Variants in ATF2 observed in about 807,000 individuals in gnomAD.
The protein encoded by ATF2 is cyclic AMP-dependent transcription factor ATF-2.
A neutral mutation model predicts 60.6 loss-of-function variants in ATF2; 24 were observed. That is an observed-to-expected ratio of 0.40 (90% confidence interval 0.29 to 0.56). ATF2 has a LOEUF of 0.56. Among genes scored for constraint, ATF2 ranks in the 20% least tolerant of loss-of-function variants. The pLI, the probability that ATF2 is intolerant of heterozygous loss-of-function variation, is 0.54. For synonymous variants in ATF2, 206 were observed against 215.4 expected, an observed-to-expected ratio of 0.96 and a Z score of 0.38; for missense variants, 433 against 607.7, an observed-to-expected ratio of 0.71 and a Z score of 3.02.
chr2:175,091,301 A>G (rs1348227289), intron 12 of ATF2, among the ~76,000 whole-genome samples: 1 of 152,192 alleles, frequency 6.6e-6, no homozygotes, highest in South Asian at 2.1e-4. Context: ...ACTGAAGACA[A>G]CAGTGATTGT....
intron 12 of ATF2, among the ~76,000 whole-genome samples, chr2:175,089,296 T>G (rs1694380944): frequency 6.6e-6 from 1 of 152,192 alleles, no homozygotes; most frequent in Admixed American, 6.6e-5. Flanking sequence ...TTGGGAAAAC[T>G]AAAACATGAT....
Position 175,115,078 on chromosome 2 carries a change from GT to G in ATF2, c.448-211del, listed in dbSNP as rs1553507822. Reference sequence around the variant, plus strand: ...TAATATTTTAATTTTAAAAAGACTCGTTTTTTTTTTTTCCAGTACAACTTGT... The same window carrying G: ...TAATATTTTAATTTTAAAAAGACTCGTTTTTTTTTTTCCAGTACAACTTGT... On this transcript the variant is annotated intron_variant, in intron 7 of 13. Transcript: ENST00000264110. Among the ~76,000 whole-genome samples, 75 of 144,030 alleles carry G rather than the reference GT, an allele frequency of 5.2e-4. 1 individual carries two copies. The highest frequency in any genetic ancestry group is 9.1e-4 in the African/African-American group (35 of 38,560). 94.5% of individuals were successfully genotyped at this position (144,030 alleles called of 152,430 possible).
chr2:175,102,875 CTTCA>C (rs1476691193), intron 10 of ATF2, among the ~76,000 whole-genome samples: 7 of 151,950 alleles, frequency 4.6e-5, no homozygotes, highest in African/African-American at 1.7e-4. Context: ...ACAAAAATGT[CTTCA>C]TTATGTTTCT....
chr2:175,142,633 C>A (rs1698623130), intron 2 of ATF2, among the ~76,000 whole-genome samples: 1 of 150,102 alleles, frequency 6.7e-6, no homozygotes, highest in Admixed American at 6.7e-5. Flanking sequence ...TATTAGGTAT[C>A]CTGTATAAAT....
intron 1 of ATF2, among the ~76,000 whole-genome samples, chr2:175,164,900 A>G (rs1048935179): frequency 6.6e-6 from 1 of 152,260 alleles, no homozygotes; most frequent in Non-Finnish European, 1.5e-5. Context: ...TCTGTTGCCC[A>G]GGCTAGAGTG....
rs1693106865 is a variant in ATF2, at chr2:175,073,937, A to AC, written c.*671_*672insG. On this transcript the variant is annotated 3_prime_UTR_variant, in exon 14 of 14. Coordinates refer to ENST00000264110, the MANE Select transcript of ATF2 (RefSeq NM_001880.4). ...CATTTTTGAAATGCTGAAAATTCTAAAATTTGTTTACTTAAAATCTTAAAT... is the reference window on the plus strand; with the variant it reads ...CATTTTTGAAATGCTGAAAATTCTAACAATTTGTTTACTTAAAATCTTAAAT... 1 of 152,150 alleles carries AC rather than the reference A, an allele frequency of 6.6e-6. No individual in the cohort carries two copies. Among genetic ancestry groups the AC allele is most frequent in the Non-Finnish European group, 1.5e-5 (1 of 68,018 alleles). The allele number at this position is 152,150 out of a possible 1,614,324, so 9.4% of individuals were successfully genotyped here.
chr2:175,146,092 A>C (rs79877511), intron 2 of ATF2, among the ~76,000 whole-genome samples: 10,410 of 152,232 alleles, frequency 0.068, 356 homozygotes, highest in East Asian at 0.12. Context: ...GAATGTAATA[A>C]GAATGTAACA....
chr2:175,092,987 A>G lies in ATF2; in HGVS notation c.1185+74T>C, dbSNP rs920953554. 3.9e-6 allele frequency: 6 copies of G among 1,531,146 alleles called. No individual in the cohort carries two copies. The Admixed American group carries it at 9.8e-5, about 25-fold the overall frequency. 94.8% of individuals were successfully genotyped at this position (1,531,146 alleles called of 1,614,324 possible). On this transcript the variant is annotated intron_variant, in intron 12 of 13. Coordinates refer to ENST00000264110, the MANE Select transcript of ATF2 (RefSeq NM_001880.4). ...ATGTCCTAAAATGTTTGGAGGCCCA[A>G]CTAGGAAAAAAAAAATCTATGTTCA...
chr2:175,132,438 T>C (rs1483025230), intron 3 of ATF2, among the ~76,000 whole-genome samples: 1 of 152,232 alleles, frequency 6.6e-6, no homozygotes, highest in Non-Finnish European at 1.5e-5. Context: ...TCTATTCAGA[T>C]ACTATTTTTT....
intron 2 of ATF2, among the ~76,000 whole-genome samples, chr2:175,148,894 T>C (rs1191767939): frequency 6.6e-6 from 1 of 152,108 alleles, no homozygotes; most frequent in Non-Finnish European, 1.5e-5. Flanking sequence ...ACCCAATCAA[T>C]GCACATTTTA....
chr2:175,136,887 G>A (rs1698176362), intron 2 of ATF2, among the ~76,000 whole-genome samples: 7 of 152,018 alleles, frequency 4.6e-5, no homozygotes, highest in Admixed American at 4.6e-4. Context: ...CAGCTTCTCA[G>A]CCTAATTCAT....
intron 10 of ATF2, among the ~76,000 whole-genome samples, chr2:175,100,166 C>A (rs1695211122): frequency 6.6e-6 from 1 of 152,194 alleles, no homozygotes; most frequent in South Asian, 2.1e-4. Flanking sequence ...TGACTTTGAA[C>A]AAATCATTGA....
intron 12 of ATF2, among the ~76,000 whole-genome samples, chr2:175,084,046 G>A (rs1201169079): frequency 1.3e-5 from 2 of 152,160 alleles, no homozygotes; most frequent in Non-Finnish European, 2.9e-5. Context: ...CTGTTGGTGG[G>A]ACTGTAAACT....
chr2:175,142,716 A>T (rs868216887), intron 2 of ATF2, among the ~76,000 whole-genome samples: 4,715 of 119,696 alleles, frequency 0.039, 66 homozygotes, highest in Admixed American at 0.088. Context: ...AGAGAGAGAG[A>T]GAGAGTGTGT....
chr2:175,128,955 C>CA (rs1697540314), intron 4 of ATF2, among the ~76,000 whole-genome samples: 1 of 152,036 alleles, frequency 6.6e-6, no homozygotes. Context: ...CCTAAAAAGT[C>CA]AAACATATAT....
chr2:175,080,544 A>T (rs1693692036), intron 13 of ATF2, 116 bp downstream of exon 13: 2 of 736,634 alleles, frequency 2.7e-6, no homozygotes, highest in Non-Finnish European at 4.3e-6. Context: ...AGAAATTCTG[A>T]TATTTAATCT....
Position 175,121,599 on chromosome 2 carries a change from T to G in ATF2, c.103-59A>C, listed in dbSNP as rs932230114. ...TTTCAATTTGATCAAATAAGTAAAA[T>G]GATTAGGAAATTAATTTCCACAACA... On this transcript the variant is annotated intron_variant, in intron 4 of 13. Coordinates refer to ENST00000264110, the MANE Select transcript of ATF2 (RefSeq NM_001880.4). 5 of 1,299,604 alleles carry G rather than the reference T, an allele frequency of 3.8e-6. No individual in the cohort carries two copies. In the African/African-American group the frequency reaches 6.0e-5, roughly 16 times the overall value. The allele number at this position is 1,299,604 out of a possible 1,614,324, so 80.5% of individuals were successfully genotyped here.
chr2:175,119,819 T>C (rs1296780626), intron 5 of ATF2, among the ~76,000 whole-genome samples: 2 of 151,554 alleles, frequency 1.3e-5, no homozygotes, highest in Non-Finnish European at 3.0e-5. Context: ...TTAACTTACA[T>C]TAAAGGGAGG....
chr2:175,110,645 C>T (rs1208872582), intron 10 of ATF2, among the ~76,000 whole-genome samples: 2 of 152,066 alleles, frequency 1.3e-5, no homozygotes, highest in Non-Finnish European at 2.9e-5. Flanking sequence ...CACTCTGTCA[C>T]CCAGGCTGGA....
Sources: gnomAD v4.1 joint callset for allele counts (sites outside exome capture counted in the v4.1 genomes callset) on GRCh38, gnomAD v4.1.1 for gene constraint, MANE v1.5 for transcripts, NCBI Gene and HGNC (gene_info 2026-07-23, HGNC 2026-07-21) for gene names.